CREBBP: variants seen among roughly 807,000 people sequenced by gnomAD.
The protein encoded by CREBBP is CREB-binding protein.
CREBBP carries 19 observed loss-of-function variants against 265.0 expected under a neutral mutation model. That is an observed-to-expected ratio of 0.07 (90% CI 0.05 to 0.11). The LOEUF (loss-of-function observed/expected upper bound fraction) is 0.11. CREBBP is among the 10% of genes least tolerant of loss of function. The pLI is 1.00. For synonymous variants in CREBBP, 1,457 were observed against 1,223.7 expected, an observed-to-expected ratio of 1.19 and a Z score of -3.98; for missense variants, 2,525 against 3,219.0, an observed-to-expected ratio of 0.78 and a Z score of 5.22.
chr16:3,730,440 C>T (rs749171228), intron 30 of CREBBP: 7 of 159,790 alleles, frequency 4.4e-5, no homozygotes, highest in Non-Finnish European at 8.3e-5. Flanking sequence ...ACTTCCCCAA[C>T]GCGCAAGCCC....
chr16:3,857,720 C>T (rs554083395), intron 1 of CREBBP, among the ~76,000 whole-genome samples: 10 of 152,286 alleles, frequency 6.6e-5, no homozygotes, highest in African/African-American at 2.4e-4. Flanking sequence ...AGCATTTGCA[C>T]CTCAAGGAAA....
chr16:3,732,167 C>T (rs919036292), intron 28 of CREBBP, among the ~76,000 whole-genome samples: 3 of 152,214 alleles, frequency 2.0e-5, no homozygotes, highest in Admixed American at 6.5e-5. Context: ...GCCACGCTGC[C>T]TCTAAAGGGG....
intron 13 of CREBBP, 48 bp downstream of exon 13, chr16:3,773,703 C>T (rs765174041): frequency 6.3e-7 from 1 of 1,597,506 alleles, no homozygotes; most frequent in Non-Finnish European, 8.5e-7. Flanking sequence ...AAACTTAACA[C>T]AAGAATTTTA....
intron 6 of CREBBP, among the ~76,000 whole-genome samples, 187 bp from the exon 7 acceptor site, chr16:3,781,493 C>T (rs1034245683): frequency 5.3e-5 from 8 of 152,054 alleles, no homozygotes; most frequent in Admixed American, 2.0e-4. Context: ...TGGTAATCAA[C>T]GTGCACAAAT....
chr16:3,746,997 C>T (rs1164313364), intron 21 of CREBBP, among the ~76,000 whole-genome samples: 2 of 152,158 alleles, frequency 1.3e-5, no homozygotes, highest in Admixed American at 6.5e-5. Context: ...ATTCTAGACC[C>T]CATGACATCC....
Position 3,731,577 on chromosome 16 carries a change from T to G in CREBBP, c.4891-104A>C. ...CCAGCCTGCAGAATAGGCAGGTGGC[T>G]GAGCCTGATGGCCCTGATGCCTTGG... On this transcript the variant is annotated intron_variant, in intron 29 of 30. Coordinates refer to ENST00000262367, the MANE Select transcript of CREBBP (RefSeq NM_004380.3). This position sits in a 1 kb window ranked among gnomAD's most constrained non-coding sequence, Gnocchi z 7.7. 2 of 1,454,672 alleles carry G rather than the reference T, an allele frequency of 1.4e-6. No homozygotes were observed. Among genetic ancestry groups the G allele is most frequent in the Non-Finnish European group, 1.9e-6 (2 of 1,063,494 alleles). The allele number at this position is 1,454,672 out of a possible 1,614,324, so 90.1% of individuals were successfully genotyped here.
chr16:3,748,967 G>C (rs2052412325), intron 21 of CREBBP, among the ~76,000 whole-genome samples: 1 of 152,126 alleles, frequency 6.6e-6, no homozygotes, highest in Non-Finnish European at 1.5e-5. Flanking sequence ...CTAACACAGT[G>C]AAACCCCGTC....
At chr16:3,736,286 T>C in intron 27 of CREBBP, 83 bp from the exon 28 acceptor site, 1 of 1,419,562 alleles carries the variant, frequency 7.0e-7, no homozygotes, top group Non-Finnish European at 9.9e-7. Context: ...CACGCAAGCG[T>C]GCCCCTCACC....
intron 23 of CREBBP, chr16:3,743,363 C>G (rs1455203024): frequency 6.6e-6 from 1 of 152,232 alleles, no homozygotes; most frequent in African/African-American, 2.4e-5. Flanking sequence ...TTAACAGAGG[C>G]AGTGTAAGCT....
At position 3,850,706 on chromosome 16, in the gene CREBBP, G is replaced by A. The variant is rs1333746955; in HGVS notation, c.389C>T (p.Ala130Val). The stretch of plus-strand genomic sequence containing the variant: ...GGCTGCCTGTTTAGGCAGGCTGGGG[G>A]CTGAAGAATCTCCCTGGCTCAGAGG... Reference protein sequence around the residue: ...KSPLSQGDSSAPSLPKQAAST... With the variant: ...KSPLSQGDSSVPSLPKQAAST... Residue 130 changes from alanine to valine, a missense_variant, in exon 2 of 31, where the codon GCC (alanine) becomes GTC (valine). By Grantham distance (64) the Ala-to-Val change is moderately conservative. Transcript: ENST00000262367. 1.2e-6 allele frequency: 2 copies of A among 1,613,986 alleles called. No homozygotes were observed. The highest frequency in any genetic ancestry group is 3.3e-5 in the Admixed American group (2 of 60,008).
intron 16 of CREBBP, 28 bp from the exon 17 acceptor site, chr16:3,759,000 C>T (rs779653531): frequency 1.3e-6 from 2 of 1,555,160 alleles, no homozygotes; most frequent in South Asian, 2.2e-5. Context: ...AGAAAAGACA[C>T]TTTGTAAAAG....
chr16:3,732,709 AT>A (rs200784282), intron 28 of CREBBP, among the ~76,000 whole-genome samples: 1 of 151,062 alleles, frequency 6.6e-6, no homozygotes, highest in Admixed American at 6.6e-5. Flanking sequence ...GCTACCTATC[AT>A]TTTTTTTGAG....
chr16:3,824,414 G>A (rs1476034962), intron 2 of CREBBP, among the ~76,000 whole-genome samples: 1 of 152,230 alleles, frequency 6.6e-6, no homozygotes, highest in Non-Finnish European at 1.5e-5. Flanking sequence ...CCACCTGGCT[G>A]GGGGTTAACT....
At chr16:3,871,745 A>G (rs2055304115) in intron 1 of CREBBP, among the ~76,000 whole-genome samples, 1 of 152,252 alleles carries the variant, frequency 6.6e-6, no homozygotes, top group Non-Finnish European at 1.5e-5. Flanking sequence ...TGAATTATAA[A>G]AAGATTTGCT....
At position 3,739,863 on chromosome 16, in the gene CREBBP, C is replaced by A. The variant is rs140776943; in HGVS notation, c.4134-139G>T. ...ACCTCCTCAGACCGTGGCCTGGAGTCCTCCCTATGGGCCAGTCAGCCCCGG... is the reference window on the plus strand; with the variant it reads ...ACCTCCTCAGACCGTGGCCTGGAGTACTCCCTATGGGCCAGTCAGCCCCGG... On this transcript the variant is annotated intron_variant, in intron 24 of 30. Transcript: ENST00000262367. 1.0e-4 allele frequency: 125 copies of A among 1,200,228 alleles called. No homozygotes were observed. In the African/African-American group the frequency reaches 1.6e-3, roughly 16 times the overall value. 74.3% of individuals were successfully genotyped at this position (1,200,228 alleles called of 1,614,324 possible). A position where few individuals can be genotyped will look rare whatever the true frequency, so the allele number is the denominator to read the frequency against.
chr16:3,849,437 GTGTGTGTGTGTGTGTGTGTGTGT>G lies in CREBBP; in HGVS notation c.798+837_798+859del, dbSNP rs1597050668. 1.3e-3 allele frequency among the ~76,000 whole-genome samples: 22 copies of G among 16,486 alleles called. No individual in the cohort carries two copies. The East Asian group carries it at 0.069, about 52-fold the overall frequency. 10.8% of individuals were successfully genotyped at this position (16,486 alleles called of 152,430 possible). Reference sequence around the variant, plus strand: ...TGTGTGTGTGTGTGTGTGTGTGTGTGTGTGTGTGTGTGTGTGTGTGTGTGTGTGTGTGTGTGTGTGTGTGTGTG... The same window carrying G: ...TGTGTGTGTGTGTGTGTGTGTGTGTGGTGTGTGTGTGTGTGTGTGTGTGTG... On this transcript the variant is annotated intron_variant, in intron 2 of 30. Coordinates refer to ENST00000262367, the MANE Select transcript of CREBBP (RefSeq NM_004380.3).
rs1401632807 is a variant in CREBBP at position 3,726,499 on chromosome 16, C to T, written c.*1219G>A. 3 of 233,398 alleles carry T rather than the reference C, an allele frequency of 1.3e-5. No homozygotes were observed. Among genetic ancestry groups the T allele is most frequent in the African/African-American group, 6.6e-5 (3 of 45,334 alleles). The allele number at this position is 233,398 out of a possible 1,614,324, so 14.5% of individuals were successfully genotyped here. ...CTGGGCCACAGTTCCCAGCCACCAC[C>T]CACGCCGCCACAACCACAACCGCAG... On this transcript the variant is annotated 3_prime_UTR_variant, in exon 31 of 31. Coordinates refer to ENST00000262367, the MANE Select transcript of CREBBP (RefSeq NM_004380.3).
chr16:3,761,203 C>T lies in CREBBP; in HGVS notation c.3251-2231G>A, dbSNP rs534987986. ...TCCTGACCTCAGGTGATGTGATCTG[C>T]TTGCCTCAGCCTCCCAAAGTGCTGG... On this transcript the variant is annotated intron_variant, in intron 16 of 30. Transcript: ENST00000262367. 3.9e-5 allele frequency among the ~76,000 whole-genome samples: 6 copies of T among 152,294 alleles called. No individual in the cohort carries two copies. In the South Asian group the frequency reaches 1.2e-3, roughly 32 times the overall value.
At chr16:3,849,954 C>A (rs939558878) in intron 2 of CREBBP, among the ~76,000 whole-genome samples, 5 of 152,144 alleles carry the variant, frequency 3.3e-5, no homozygotes, top group Non-Finnish European at 7.4e-5. Context: ...AGATACTTCA[C>A]TGGATGGCCA....
Sources: allele counts gnomAD v4.1 joint callset (sites outside exome capture counted in the v4.1 genomes callset), GRCh38; gene constraint gnomAD v4.1.1; non-coding constraint Gnocchi (gnomAD v3.1); transcripts MANE v1.5; gene names NCBI Gene and HGNC (gene_info 2026-07-23, HGNC 2026-07-21).